Variants in FMN2 observed in about 807,000 individuals in gnomAD.
FMN2 encodes the protein formin 2.
A neutral mutation model predicts 142.3 loss-of-function variants in FMN2; 51 were observed. The ratio of observed to expected loss-of-function variants is 0.36; its 90% confidence interval spans 0.29 to 0.45. The LOEUF (loss-of-function observed/expected upper bound fraction) is 0.45, where lower values mean the gene tolerates loss of function less well. Among genes scored for constraint, FMN2 ranks in the 20% least tolerant of loss-of-function variants. The pLI is 1.00. For missense variants in FMN2, 1,936 were observed against 2,122.8 expected (o/e 0.91, Z 1.73); for synonymous variants, 882 against 869.8 (o/e 1.01, Z -0.25).
At chr1:240,361,162 TATATATATATATATATATATATAA>T in intron 14 of FMN2, among the ~76,000 whole-genome samples, 2 of 60,802 alleles carry the variant, frequency 3.3e-5, no homozygotes, top group African/African-American at 1.9e-4. Flanking sequence ...TATATATATA[TATATATATATATATATATATATAA>T]AAGAGTTTAA....
At chr1:240,372,171 G>A (rs894481335) in intron 14 of FMN2, among the ~76,000 whole-genome samples, 6 of 152,136 alleles carry the variant, frequency 3.9e-5, no homozygotes, top group South Asian at 2.1e-4. Flanking sequence ...GGGAGGCAGA[G>A]GTTTCAGTAA....
At chr1:240,290,597 G>A (rs1669745907) in intron 7 of FMN2, among the ~76,000 whole-genome samples, 1 of 151,780 alleles carries the variant, frequency 6.6e-6, no homozygotes, top group Non-Finnish European at 1.5e-5. Flanking sequence ...TGCTATAAAC[G>A]AAAGTTATCC....
chr1:240,356,438 A>G (rs906886331), intron 14 of FMN2, among the ~76,000 whole-genome samples: 5 of 152,264 alleles, frequency 3.3e-5, no homozygotes, highest in East Asian at 3.9e-4. Context: ...GAGCTTAAAA[A>G]CATTATAAAT....
intron 7 of FMN2, among the ~76,000 whole-genome samples, chr1:240,287,216 T>G (rs920083475): frequency 6.6e-6 from 1 of 152,176 alleles, no homozygotes; most frequent in Non-Finnish European, 1.5e-5. Flanking sequence ...TCTTACAAAA[T>G]GTAGTTTCCT....
chr1:240,104,240 T>C (rs1429994979), intron 1 of FMN2, among the ~76,000 whole-genome samples: 2 of 150,344 alleles, frequency 1.3e-5, no homozygotes, highest in Non-Finnish European at 3.0e-5. Context: ...ATATATATTT[T>C]AATATGTATT....
At chr1:240,430,090 GT>G (rs1675097561) in intron 15 of FMN2, among the ~76,000 whole-genome samples, 2 of 152,056 alleles carry the variant, frequency 1.3e-5, no homozygotes, top group South Asian at 4.1e-4. Flanking sequence ...ATTCCACCAT[GT>G]TAGTCAGGAT....
chr1:240,394,143 C>T (rs1384850501), intron 15 of FMN2, among the ~76,000 whole-genome samples: 2 of 152,116 alleles, frequency 1.3e-5, no homozygotes, highest in Non-Finnish European at 2.9e-5. Context: ...GGTCTGGCCT[C>T]TCATTGTCCA....
chr1:240,436,771 T>C (rs1675389290), intron 15 of FMN2, among the ~76,000 whole-genome samples: 1 of 152,076 alleles, frequency 6.6e-6, no homozygotes, highest in African/African-American at 2.4e-5. Context: ...CACAGAGATA[T>C]GTGTAAGTGT....
chr1:240,302,949 A>T (rs1467604243), intron 8 of FMN2, among the ~76,000 whole-genome samples: 1 of 152,154 alleles, frequency 6.6e-6, no homozygotes, highest in Non-Finnish European at 1.5e-5. Flanking sequence ...TAGTGAAAAT[A>T]AAAATAGGGT....
intron 15 of FMN2, among the ~76,000 whole-genome samples, chr1:240,432,221 CA>C (rs927357052): frequency 1.1e-4 from 17 of 151,808 alleles, no homozygotes. Flanking sequence ...TTTCTTTTGT[CA>C]GTTTTAGAAA....
intron 1 of FMN2, among the ~76,000 whole-genome samples, chr1:240,101,888 A>T (rs955382499): frequency 6.6e-6 from 1 of 152,104 alleles, no homozygotes; most frequent in Admixed American, 6.5e-5. Context: ...GATTTAGAAT[A>T]TATGAAGGCT....
chr1:240,427,171 TTATA>T (rs34534422), intron 15 of FMN2, among the ~76,000 whole-genome samples: 28 of 136,732 alleles, frequency 2.0e-4, no homozygotes, highest in Middle Eastern at 3.6e-3. Context: ...ACAACTGATT[TTATA>T]TATATATATA....
chr1:240,170,205 T>A, intron 2 of FMN2: 1 of 1,254,794 alleles, frequency 8.0e-7, no homozygotes, highest in Non-Finnish European at 1.1e-6. Context: ...AGGCTGCAGT[T>A]GCCTGGGAGG....
chr1:240,130,647 C>T (rs1476962252), intron 2 of FMN2, among the ~76,000 whole-genome samples: 1 of 152,134 alleles, frequency 6.6e-6, no homozygotes, highest in Non-Finnish European at 1.5e-5. Flanking sequence ...CAAAAGTATC[C>T]CATATTTAGT....
At chr1:240,182,996 AGCCTTCGTCACCCG>A (rs1665216321) in intron 3 of FMN2, among the ~76,000 whole-genome samples, 1 of 150,606 alleles carries the variant, frequency 6.6e-6, no homozygotes, top group Non-Finnish European at 1.5e-5. Context: ...GGCTCACTGT[AGCCTTCGTCACCCG>A]AGCTCAAGTG....
chr1:240,316,211 T>C (rs1193926080), intron 8 of FMN2, among the ~76,000 whole-genome samples: 2 of 152,182 alleles, frequency 1.3e-5, no homozygotes, highest in Admixed American at 6.5e-5. Context: ...TAGAGTTCTT[T>C]GGAAAGAGTG....
intron 8 of FMN2, among the ~76,000 whole-genome samples, chr1:240,302,233 T>G (rs908407412): frequency 7.2e-5 from 11 of 152,118 alleles, no homozygotes; most frequent in African/African-American, 2.4e-4. Flanking sequence ...TTGTTAACAT[T>G]GATAATTTTT....
intron 15 of FMN2, among the ~76,000 whole-genome samples, chr1:240,424,501 G>T (rs1375172782): frequency 6.6e-6 from 1 of 152,194 alleles, no homozygotes; most frequent in African/African-American, 2.4e-5. Flanking sequence ...ATATGGGAAT[G>T]AGGGAAAGGA....
chr1:240,109,376 T>C (rs1661724347), intron 1 of FMN2, among the ~76,000 whole-genome samples: 1 of 152,200 alleles, frequency 6.6e-6, no homozygotes, highest in African/African-American at 2.4e-5. Context: ...GATTAGTCTT[T>C]GGAATGAGTA....
Sources: gnomAD v4.1 joint callset for allele counts (sites outside exome capture counted in the v4.1 genomes callset) on GRCh38, gnomAD v4.1.1 for gene constraint, MANE v1.5 for transcripts, NCBI Gene and HGNC (gene_info 2026-07-23, HGNC 2026-07-21) for gene names.